Variants in SLC16A2 observed in about 807,000 individuals in gnomAD.
SLC16A2 encodes the protein monocarboxylate transporter 8.
Under a neutral mutation model 27.2 loss-of-function variants are expected in SLC16A2, and 3 were observed. The observed-to-expected ratio is 0.11, with a 90% CI of 0.05 to 0.28. SLC16A2 has a LOEUF of 0.28. Among genes scored for constraint, SLC16A2 ranks in the 10% least tolerant of loss-of-function variants. The pLI is 1.00. For missense variants in SLC16A2, 295 were observed against 458.5 expected (o/e 0.64, Z 3.26); for synonymous variants, 202 against 187.8 (o/e 1.08, Z -0.62).
At position 74,483,635 on chromosome X, in the gene SLC16A2, C is replaced by T. The variant is rs997231918; in HGVS notation, c.431-37355C>T. Among the ~76,000 whole-genome samples, 4 of 111,671 alleles carry T rather than the reference C, an allele frequency of 3.6e-5. No individual in the cohort carries two copies. In the Admixed American group the frequency reaches 3.8e-4, roughly 11 times the overall value. ...CTTAAAACTCATCTCACCTCATGGA[C>T]AGAATCTCTGCTCTACTACACTAGA... is the stretch of plus-strand genomic sequence containing the variant. On this transcript the variant is annotated intron_variant, in intron 1 of 5. Coordinates refer to ENST00000587091, the MANE Select transcript of SLC16A2 (RefSeq NM_006517.5).
At chrX:74,468,686 T>G (rs930059896) in intron 1 of SLC16A2, among the ~76,000 whole-genome samples, 13 of 112,023 alleles carry the variant, frequency 1.2e-4, no homozygotes, top group Non-Finnish European at 2.3e-4. Context: ...AATATTTAAT[T>G]TAATTTTTAT....
chrX:74,484,906 C>A (rs774117918), intron 1 of SLC16A2, among the ~76,000 whole-genome samples: 1 of 111,647 alleles, frequency 9.0e-6, no homozygotes, highest in East Asian at 2.8e-4. Flanking sequence ...TGTGGACAGG[C>A]ATTTATTACC....
intron 1 of SLC16A2, among the ~76,000 whole-genome samples, chrX:74,429,197 G>T (rs753497895): frequency 9.0e-6 from 1 of 111,713 alleles, no homozygotes; most frequent in Non-Finnish European, 1.9e-5. Context: ...GCCAGGCCCA[G>T]TGGCTCAAGC....
At chrX:74,503,726 A>G (rs1277180689) in intron 1 of SLC16A2, among the ~76,000 whole-genome samples, 1 of 111,960 alleles carries the variant, frequency 8.9e-6, no homozygotes, top group Non-Finnish European at 1.9e-5. Flanking sequence ...CAAACTCTTC[A>G]GCCTCAATTT....
chrX:74,430,127 C>T (rs750163664), intron 1 of SLC16A2, among the ~76,000 whole-genome samples: 16 of 112,340 alleles, frequency 1.4e-4, no homozygotes, highest in East Asian at 2.8e-4. Context: ...TAAGTCTGTG[C>T]GAGGCACTAT....
chrX:74,472,560 G>A (rs1346960504), intron 1 of SLC16A2, among the ~76,000 whole-genome samples: 2 of 111,321 alleles, frequency 1.8e-5, no homozygotes, highest in African/African-American at 6.5e-5. Flanking sequence ...TAATCTGTAC[G>A]TTCATTCTTA....
At position 74,421,748 on chromosome X, in the gene SLC16A2, T is replaced by TGAGCCC. The variant is rs757881983; in HGVS notation, c.125_130dup (p.Glu42_Pro43dup). ...CAGAGCCGGAGTCTGAGCCGGAGCC[T>TGAGCCC]GAGCCCGAGCCCGAGCCCGTGCCAG... On this transcript the variant is annotated inframe_insertion, in exon 1 of 6. Transcript: ENST00000587091. 5.2e-5 allele frequency: 60 copies of TGAGCCC among 1,152,807 alleles called. 1 individual carries two copies. Among genetic ancestry groups the TGAGCCC allele is most frequent in the South Asian group, 1.7e-4 (9 of 52,712 alleles).
intron 1 of SLC16A2, among the ~76,000 whole-genome samples, chrX:74,447,462 C>T (rs1928857935): frequency 9.1e-6 from 1 of 110,100 alleles, no homozygotes; most frequent in African/African-American, 3.3e-5. Flanking sequence ...CACTTGAGGC[C>T]AGGAGTTCAA....
chrX:74,426,497 A>C (rs765109450), intron 1 of SLC16A2, among the ~76,000 whole-genome samples: 183 of 111,855 alleles, frequency 1.6e-3, no homozygotes, highest in Non-Finnish European at 2.9e-3. Flanking sequence ...GCTCATTCTA[A>C]GTCTAAAAAA....
chrX:74,527,944 C>T (rs779763365), intron 4 of SLC16A2, among the ~76,000 whole-genome samples: 4 of 111,964 alleles, frequency 3.6e-5, no homozygotes, highest in Non-Finnish European at 5.6e-5. Context: ...CTAGCTTCTG[C>T]CTAGCTACCT....
At chrX:74,476,361 C>T (rs1384308585) in intron 1 of SLC16A2, among the ~76,000 whole-genome samples, 2 of 112,091 alleles carry the variant, frequency 1.8e-5, no homozygotes, top group East Asian at 5.6e-4. Context: ...TGCTTATGAG[C>T]TTAAGGAGAT....
chrX:74,501,205 T>C (rs1486072463), intron 1 of SLC16A2, among the ~76,000 whole-genome samples: 2 of 111,225 alleles, frequency 1.8e-5, no homozygotes, highest in Non-Finnish European at 3.8e-5. Flanking sequence ...GTAATATAAA[T>C]GGTAAATGGT....
chrX:74,506,198 TC>T (rs1420055435), intron 1 of SLC16A2, among the ~76,000 whole-genome samples: 1 of 111,771 alleles, frequency 8.9e-6, no homozygotes, highest in East Asian at 2.8e-4. Context: ...CCATAAGGCC[TC>T]CAACCCACCA....
intron 1 of SLC16A2, among the ~76,000 whole-genome samples, chrX:74,494,077 G>T (rs547665919): frequency 8.9e-6 from 1 of 112,089 alleles, no homozygotes; most frequent in African/African-American, 3.2e-5. Flanking sequence ...TTCTCAATGA[G>T]GGGCTGAAAT....
At chrX:74,528,397 A>G (rs1930517028) in intron 4 of SLC16A2, among the ~76,000 whole-genome samples, 1 of 110,793 alleles carries the variant, frequency 9.0e-6, no homozygotes, top group Admixed American at 9.5e-5. Flanking sequence ...AAAAAAAACA[A>G]CCTCTGGAAA....
intron 1 of SLC16A2, among the ~76,000 whole-genome samples, chrX:74,434,679 A>G (rs935357742): frequency 3.6e-5 from 4 of 111,335 alleles, no homozygotes; most frequent in Non-Finnish European, 7.5e-5. Flanking sequence ...AAAGAAGAGC[A>G]TAAGTAGCAG....
chrX:74,509,826 C>A (rs868614359), intron 1 of SLC16A2, among the ~76,000 whole-genome samples: 5 of 112,630 alleles, frequency 4.4e-5, no homozygotes, highest in African/African-American at 1.6e-4. Flanking sequence ...CTCGACCACC[C>A]AAAGTGCTGG....
At chrX:74,460,174 AC>A (rs771167210) in intron 1 of SLC16A2, among the ~76,000 whole-genome samples, 14 of 112,044 alleles carry the variant, frequency 1.2e-4, no homozygotes, top group Admixed American at 6.6e-4. Flanking sequence ...AGCATAATTG[AC>A]CAAGGGTCTT....
intron 1 of SLC16A2, among the ~76,000 whole-genome samples, chrX:74,504,926 G>T (rs1285074005): frequency 9.0e-6 from 1 of 111,727 alleles, no homozygotes; most frequent in Non-Finnish European, 1.9e-5. Flanking sequence ...GGAGGTTGAG[G>T]CTGCAGTGAA....
Sources: allele counts gnomAD v4.1 joint callset (sites outside exome capture counted in the v4.1 genomes callset), GRCh38; gene constraint gnomAD v4.1.1; transcripts MANE v1.5; gene names NCBI Gene and HGNC (gene_info 2026-07-23, HGNC 2026-07-21).